BACH2: variants seen among roughly 807,000 people sequenced by gnomAD.
BACH2 encodes BACH transcriptional regulator 2.
In BACH2, 5 loss-of-function variants were observed where a neutral mutation model predicts 61.8. The observed-to-expected ratio is 0.08, with a 90% confidence interval of 0.04 to 0.17. BACH2 has a LOEUF of 0.17. BACH2 is among the 10% of genes least tolerant of loss of function. The pLI is 1.00. For missense variants in BACH2, 824 were observed against 1,091.1 expected (o/e 0.76, Z 3.45); for synonymous variants, 446 against 440.1 (o/e 1.01, Z -0.17).
chr6:89,943,211 A>T (rs1773537547), intron 7 of BACH2, among the ~76,000 whole-genome samples: 1 of 152,096 alleles, frequency 6.6e-6, no homozygotes, highest in Admixed American at 6.5e-5. Context: ...CATGGAACCT[A>T]CATATGTCTC....
At chr6:89,995,555 G>A (rs72923954) in intron 6 of BACH2, among the ~76,000 whole-genome samples, 50 of 152,250 alleles carry the variant, frequency 3.3e-4, no homozygotes, top group Non-Finnish European at 6.8e-4. Flanking sequence ...CTGACTTATC[G>A]CTTGTGACAA....
intron 4 of BACH2, among the ~76,000 whole-genome samples, chr6:90,089,879 T>TA (rs1175201363): frequency 6.6e-6 from 1 of 152,152 alleles, no homozygotes; most frequent in Non-Finnish European, 1.5e-5. Flanking sequence ...ACATTAAATA[T>TA]TTGTGCACAA....
At chr6:90,114,162 C>T (rs768191546) in intron 4 of BACH2, among the ~76,000 whole-genome samples, 1 of 152,106 alleles carries the variant, frequency 6.6e-6, no homozygotes, top group Non-Finnish European at 1.5e-5. Context: ...CCCCAACTCA[C>T]TCTATGAGTC....
intron 2 of BACH2, among the ~76,000 whole-genome samples, chr6:90,255,021 T>C (rs987361551): frequency 6.6e-6 from 1 of 152,200 alleles, no homozygotes; most frequent in African/African-American, 2.4e-5. Flanking sequence ...GATGGGTGGC[T>C]GGAGCCTTCA....
chr6:90,202,274 G>A (rs1253158222), intron 4 of BACH2, among the ~76,000 whole-genome samples: 3 of 152,140 alleles, frequency 2.0e-5, no homozygotes, highest in Non-Finnish European at 2.9e-5. Flanking sequence ...TTCATATGAA[G>A]GAGGTGCAAT....
At chr6:90,214,631 G>C (rs765931107) in intron 3 of BACH2, among the ~76,000 whole-genome samples, 1 of 151,946 alleles carries the variant, frequency 6.6e-6, no homozygotes, top group Non-Finnish European at 1.5e-5. Context: ...TAGCAAGCCA[G>C]AATGGGTTAT....
intron 6 of BACH2, among the ~76,000 whole-genome samples, chr6:89,953,369 C>T (rs1293238739): frequency 6.6e-6 from 1 of 152,138 alleles, no homozygotes; most frequent in Non-Finnish European, 1.5e-5. Flanking sequence ...ATTTCTTAGA[C>T]ATGTAACTGA....
At chr6:89,960,153 T>C (rs1774661817) in intron 6 of BACH2, among the ~76,000 whole-genome samples, 2 of 152,142 alleles carry the variant, frequency 1.3e-5, no homozygotes, top group Admixed American at 1.3e-4. Context: ...TTAGGTTAGC[T>C]CTCCTTCCCT....
At chr6:90,035,627 C>T (rs928304663) in intron 5 of BACH2, among the ~76,000 whole-genome samples, 2 of 151,856 alleles carry the variant, frequency 1.3e-5, no homozygotes, top group Non-Finnish European at 2.9e-5. Flanking sequence ...CTTGTTGGGA[C>T]CGGGGGTTCC....
intron 4 of BACH2, among the ~76,000 whole-genome samples, chr6:90,113,184 TAGAC>T: frequency 6.6e-6 from 1 of 152,302 alleles, no homozygotes; most frequent in East Asian, 1.9e-4. Context: ...CTGACAGTAT[TAGAC>T]AGATCATTGA....
intron 5 of BACH2, among the ~76,000 whole-genome samples, chr6:90,034,169 C>A (rs1779152075): frequency 6.6e-6 from 1 of 152,130 alleles, no homozygotes; most frequent in Non-Finnish European, 1.5e-5. Flanking sequence ...AAAACTGATA[C>A]ACAGAGAAGC....
intron 4 of BACH2, among the ~76,000 whole-genome samples, chr6:90,092,248 C>G (rs1391790628): frequency 7.3e-6 from 1 of 137,874 alleles, no homozygotes; most frequent in Admixed American, 7.5e-5. Flanking sequence ...CAATGCTGAA[C>G]CAAAGTCTGT....
chr6:89,937,690 C>T (rs1239703655), intron 8 of BACH2, among the ~76,000 whole-genome samples: 4 of 152,056 alleles, frequency 2.6e-5, no homozygotes, highest in Admixed American at 1.3e-4. Context: ...CTGCCATGCC[C>T]GGCTAATTTT....
rs1289709821 is a variant in BACH2 at position 90,143,341 on chromosome 6, C to T, written c.-161-54232G>A. 2.0e-5 allele frequency among the ~76,000 whole-genome samples: 3 copies of T among 152,088 alleles called. No individual in the cohort carries two copies. The South Asian group carries it at 6.2e-4, about 32-fold the overall frequency. On this transcript the variant is annotated intron_variant, in intron 4 of 8. Coordinates refer to ENST00000257749, the MANE Select transcript of BACH2 (RefSeq NM_021813.4). ...GCAGTTAAGAATGCAGTCTCTAGAA[C>T]CTGCCTGCCTGCTTGGTTCAAATTC...
At chr6:90,184,066 G>A (rs186028120) in intron 4 of BACH2, among the ~76,000 whole-genome samples, 46 of 152,122 alleles carry the variant, frequency 3.0e-4, no homozygotes, top group African/African-American at 1.0e-3. Flanking sequence ...CTTGTCTGTC[G>A]TTCTGAAATT....
At chr6:90,133,146 C>CTTTTTTATAT (rs1236507784) in intron 4 of BACH2, among the ~76,000 whole-genome samples, 1 of 152,208 alleles carries the variant, frequency 6.6e-6, no homozygotes, top group Admixed American at 6.5e-5. Flanking sequence ...ATATTTTCTA[C>CTTTTTTATAT]TTTTTTATAT....
chr6:90,295,882 C>T (rs1772347492), intron 1 of BACH2, among the ~76,000 whole-genome samples: 1 of 152,290 alleles, frequency 6.6e-6, no homozygotes, highest in East Asian at 1.9e-4. Context: ...GCTTTGATTC[C>T]CCGCCGGTCG....
chr6:89,973,698 C>A (rs1775495327), intron 6 of BACH2, among the ~76,000 whole-genome samples: 2 of 151,636 alleles, frequency 1.3e-5, no homozygotes, highest in Admixed American at 6.6e-5. Context: ...GCCTGCTATA[C>A]CGGGTTATAA....
At chr6:90,166,054 C>G (rs1767603917) in intron 4 of BACH2, among the ~76,000 whole-genome samples, 1 of 151,930 alleles carries the variant, frequency 6.6e-6, no homozygotes, top group African/African-American at 2.4e-5. Flanking sequence ...CCAAAATTGA[C>G]AAATGGGATC....
Sources: allele counts gnomAD v4.1 joint callset (sites outside exome capture counted in the v4.1 genomes callset), GRCh38; gene constraint gnomAD v4.1.1; transcripts MANE v1.5; gene names NCBI Gene and HGNC (gene_info 2026-07-23, HGNC 2026-07-21).